Variants in ZSWIM5 observed in about 807,000 individuals in gnomAD.
ZSWIM5 encodes zinc finger SWIM domain-containing protein 5.
ZSWIM5 carries 55 observed loss-of-function variants against 119.6 expected under a neutral mutation model. That is an observed-to-expected ratio of 0.46 (90% CI 0.37 to 0.58). The LOEUF is 0.58. Ranked by LOEUF, ZSWIM5 falls within the 20% of genes least tolerant of loss-of-function variation. The pLI, the probability that ZSWIM5 is intolerant of heterozygous loss-of-function variation, is 0.00. For missense variants in ZSWIM5, 1,193 were observed against 1,512.8 expected (o/e 0.79, Z 3.51); for synonymous variants, 537 against 606.9 (o/e 0.88, Z 1.69).
intron 1 of ZSWIM5, among the ~76,000 whole-genome samples, chr1:45,200,571 T>C (rs1570215401): frequency 1.3e-5 from 2 of 152,154 alleles, no homozygotes; most frequent in East Asian, 3.8e-4. Context: ...ATGGTGTGCA[T>C]GAAAAAAAAC....
At chr1:45,175,099 C>T (rs933881067) in intron 1 of ZSWIM5, among the ~76,000 whole-genome samples, 3 of 152,116 alleles carry the variant, frequency 2.0e-5, no homozygotes, top group Non-Finnish European at 4.4e-5. Context: ...TCTGGAACCA[C>T]CTGTAGTCTT....
chr1:45,137,956 G>A (rs1431815104), intron 1 of ZSWIM5, among the ~76,000 whole-genome samples: 2 of 152,114 alleles, frequency 1.3e-5, no homozygotes, highest in Non-Finnish European at 2.9e-5. Context: ...AAGAATTCAC[G>A]GGAGAGATCA....
intron 2 of ZSWIM5, among the ~76,000 whole-genome samples, chr1:45,075,674 T>C (rs993911000): frequency 6.6e-6 from 1 of 152,138 alleles, no homozygotes; most frequent in Non-Finnish European, 1.5e-5. Context: ...CCACTTTATG[T>C]CTTTTTATTG....
chr1:45,122,997 G>A (rs1015454713), intron 1 of ZSWIM5, among the ~76,000 whole-genome samples: 5 of 152,178 alleles, frequency 3.3e-5, no homozygotes, highest in Non-Finnish European at 5.9e-5. Context: ...TCTGGTGTCA[G>A]TAGAGGCCAT....
At chr1:45,059,251 A>G (rs1645140021) in intron 3 of ZSWIM5, among the ~76,000 whole-genome samples, 1 of 152,258 alleles carries the variant, frequency 6.6e-6, no homozygotes, top group Non-Finnish European at 1.5e-5. Flanking sequence ...GTTCACTAAC[A>G]GATGAATGGA....
intron 1 of ZSWIM5, among the ~76,000 whole-genome samples, chr1:45,136,349 C>A (rs1404792497): frequency 6.6e-6 from 1 of 151,966 alleles, no homozygotes; most frequent in Non-Finnish European, 1.5e-5. Context: ...ATCATGGTTA[C>A]AAAATTTCAT....
At chr1:45,143,458 A>G (rs61788438) in intron 1 of ZSWIM5, among the ~76,000 whole-genome samples, 11,008 of 152,272 alleles carry the variant, frequency 0.072, 492 homozygotes, top group Non-Finnish European at 0.1. Context: ...ACTGTTCATG[A>G]CTAAAAACAA....
intron 1 of ZSWIM5, among the ~76,000 whole-genome samples, chr1:45,096,311 C>T (rs977485732): frequency 2.1e-5 from 3 of 146,236 alleles, no homozygotes; most frequent in Non-Finnish European, 3.0e-5. Context: ...ACACACACAC[C>T]CCTACCTGCT....
chr1:45,065,332 T>C (rs1645176784), intron 2 of ZSWIM5, among the ~76,000 whole-genome samples: 1 of 152,062 alleles, frequency 6.6e-6, no homozygotes, highest in Non-Finnish European at 1.5e-5. Flanking sequence ...TAAGTTAGGA[T>C]ATGAAAAAGC....
chr1:45,050,967 G>A lies in ZSWIM5; in HGVS notation c.1432+107C>T, dbSNP rs185250701. The A allele has an allele frequency of 1.3e-3, 1,457 of 1,091,058 alleles. 2 individuals carry two copies. The highest frequency in any genetic ancestry group is 1.7e-3 in the Non-Finnish European group (1,286 of 771,364). 67.6% of individuals were successfully genotyped at this position (1,091,058 alleles called of 1,614,324 possible). On this transcript the variant is annotated intron_variant, in intron 5 of 13. Coordinates refer to ENST00000359600, the MANE Select transcript of ZSWIM5 (RefSeq NM_020883.2). ...AACACAGGCTTTTCTTATTTAGAAT[G>A]GCAATTCTGACAGCTAAAAGGCTAT... is the stretch of plus-strand genomic sequence containing the variant.
chr1:45,106,960 A>T (rs1173722575), intron 1 of ZSWIM5, among the ~76,000 whole-genome samples: 2 of 152,216 alleles, frequency 1.3e-5, no homozygotes, highest in Non-Finnish European at 2.9e-5. Flanking sequence ...ACTCAGGGTT[A>T]AATAGATTAA....
At chr1:45,143,522 T>C (rs191907751) in intron 1 of ZSWIM5, among the ~76,000 whole-genome samples, 4 of 152,270 alleles carry the variant, frequency 2.6e-5, no homozygotes, top group African/African-American at 9.6e-5. Context: ...TTCTTCAACC[T>C]GGTAAAGGGT....
intron 1 of ZSWIM5, among the ~76,000 whole-genome samples, chr1:45,154,447 C>A (rs1645815165): frequency 6.6e-6 from 1 of 152,146 alleles, no homozygotes. Flanking sequence ...CAAATACTTA[C>A]AGCCAACTAA....
At chr1:45,044,774 TAAATA>T (rs1645040399) in intron 5 of ZSWIM5, among the ~76,000 whole-genome samples, 1 of 3,296 alleles carries the variant, frequency 3.0e-4, no homozygotes, top group South Asian at 0.016. Flanking sequence ...TATATATATA[TAAATA>T]TATATATATA....
chr1:45,078,356 T>A (rs1200361266), intron 2 of ZSWIM5, among the ~76,000 whole-genome samples: 1 of 152,204 alleles, frequency 6.6e-6, no homozygotes, highest in Middle Eastern at 3.2e-3. Context: ...ACTTGGGTAT[T>A]GTGATCTAAG....
chr1:45,108,999 A>G (rs539452348), intron 1 of ZSWIM5, among the ~76,000 whole-genome samples: 1 of 152,332 alleles, frequency 6.6e-6, no homozygotes, highest in South Asian at 2.1e-4. Context: ...ATATCCTAGT[A>G]AGAATGCCAT....
chr1:45,058,903 T>C, intron 3 of ZSWIM5, 144 bp from the exon 4 acceptor site: 2 of 869,364 alleles, frequency 2.3e-6, no homozygotes, highest in South Asian at 3.2e-5. Context: ...TCTTGTTCTG[T>C]AAGCAAGATC....
chr1:45,093,087 A>G (rs1645377825), intron 1 of ZSWIM5, among the ~76,000 whole-genome samples: 1 of 152,246 alleles, frequency 6.6e-6, no homozygotes, highest in Non-Finnish European at 1.5e-5. Flanking sequence ...TCTGCTAGGA[A>G]GTGACAAAGC....
intron 1 of ZSWIM5, among the ~76,000 whole-genome samples, chr1:45,129,479 A>G (rs1036131159): frequency 2.0e-5 from 3 of 151,690 alleles, no homozygotes; most frequent in African/African-American, 7.3e-5. Context: ...TTTTTTTAAG[A>G]GTTATGTATA....
Sources: allele counts gnomAD v4.1 joint callset (sites outside exome capture counted in the v4.1 genomes callset), GRCh38; gene constraint gnomAD v4.1.1; transcripts MANE v1.5; gene names NCBI Gene and HGNC (gene_info 2026-07-23, HGNC 2026-07-21).